The following ZNF7 variants were observed in gnomAD, a reference collection of about 807,000 sequenced individuals.
ZNF7 encodes zinc finger protein 7.
In ZNF7, 10 loss-of-function variants were observed where a neutral mutation model predicts 12.0. The observed-to-expected ratio is 0.83, with a 90% CI of 0.51 to 1.42. The LOEUF is 1.42. ZNF7 is among the 40% of genes most tolerant of loss of function. The pLI, the probability that ZNF7 is intolerant of heterozygous loss-of-function variation, is 0.00. For missense variants in ZNF7, 854 were observed against 837.2 expected, an observed-to-expected ratio of 1.02 and a Z score of -0.25; for synonymous variants, 334 against 295.0, an observed-to-expected ratio of 1.13 and a Z score of -1.35.
At chr8:144,832,975 A>C (rs1038108185) in intron 3 of ZNF7, among the ~76,000 whole-genome samples, 1 of 152,088 alleles carries the variant, frequency 6.6e-6, no homozygotes, top group Non-Finnish European at 1.5e-5. Context: ...AGGTGGGCGG[A>C]TCACCTGAGG....
chr8:144,841,409 A>C lies in ZNF7; in HGVS notation c.302A>C (p.Lys101Thr). 6.2e-7 allele frequency: 1 copy of C among 1,613,780 alleles called. No individual in the cohort carries two copies. Among genetic ancestry groups the C allele is most frequent in the Admixed American group, 1.7e-5 (1 of 60,016 alleles). ...EQACEDMDIL[K>T]SESYGTVVRI... ...GCCTGTGAGGACATGGACATCCTAA[A>C]ATCAGAATCCTATGGGACAGTGGTC... Residue 101 changes from lysine to threonine, a missense_variant, in exon 5 of 5, where the codon AAA becomes ACA. Transcript: ENST00000532777.
At chr8:144,840,400 A>T (rs529960492) in intron 4 of ZNF7, among the ~76,000 whole-genome samples, 1 of 152,312 alleles carries the variant, frequency 6.6e-6, no homozygotes, top group East Asian at 1.9e-4. Flanking sequence ...AAGCCCTGTA[A>T]CTGGGCTGTG....
At chr8:144,829,722 G>A in intron 3 of ZNF7, 118 bp downstream of exon 3, 7 of 1,346,626 alleles carry the variant, frequency 5.2e-6, no homozygotes, top group Non-Finnish European at 6.0e-6. Flanking sequence ...GGGCTCCACA[G>A]GGGGCTTGGA....
chr8:144,836,320 A>C (rs764024871), intron 3 of ZNF7: 4 of 152,272 alleles, frequency 2.6e-5, no homozygotes, highest in Non-Finnish European at 4.4e-5. Context: ...TGCTAGAGCA[A>C]GACCGTATCT....
chr8:144,837,691 A>G (rs1006479252), intron 4 of ZNF7, among the ~76,000 whole-genome samples, 184 bp downstream of exon 4: 2 of 152,202 alleles, frequency 1.3e-5, no homozygotes, highest in Non-Finnish European at 2.9e-5. Flanking sequence ...CTGCCTTGGG[A>G]GAGGCCAAAC....
At chr8:144,845,111 G>A (rs2727229), downstream of ZNF7, among the ~76,000 whole-genome samples, 62,549 of 151,954 alleles carry the variant, frequency 0.41, 14,057 homozygotes, top group African/African-American at 0.6. Flanking sequence ...TATGGTGCGG[G>A]ACAGCTTTCC....
intron 3 of ZNF7, 61 bp downstream of exon 3, chr8:144,829,665 C>A (rs1828208029): frequency 1.3e-6 from 2 of 1,549,658 alleles, no homozygotes; most frequent in East Asian, 4.5e-5. Context: ...CCCAGCCAGG[C>A]CTCCATCAGA....
chr8:144,838,396 C>T lies in ZNF7; in HGVS notation c.247+889C>T, dbSNP rs569274897. On this transcript the variant is annotated intron_variant, in intron 4 of 4. Coordinates refer to ENST00000532777, the MANE Select transcript of ZNF7 (RefSeq NM_003416.4). ...CCCTAACCAGGGCACCCACTGCCTC[C>T]GGCATCAGCTCCTGCTGGGCAGGCG... 328 of 469,104 alleles carry T rather than the reference C, an allele frequency of 7.0e-4. 1 individual carries two copies. Among genetic ancestry groups the T allele is most frequent in the Non-Finnish European group, 1.0e-3 (265 of 263,362 alleles). 29.1% of individuals were successfully genotyped at this position (469,104 alleles called of 1,614,324 possible).
chr8:144,842,252 G>C lies in ZNF7; in HGVS notation c.1145G>C (p.Arg382Thr). The C allele has an allele frequency of 1.2e-6, 2 of 1,614,084 alleles. No homozygotes were observed. The highest frequency in any genetic ancestry group is 1.7e-6 in the Non-Finnish European group (2 of 1,180,034). The stretch of plus-strand genomic sequence containing the variant: ...AGCTCCACCCTAGCCCAGCATCAAA[G>C]GATGCATACTGGGGAGAAAGCTCAA... ...SQSSTLAQHQRMHTGEKAQIL... is the reference protein window; with the variant it reads ...SQSSTLAQHQTMHTGEKAQIL... Residue 382 changes from arginine (R) to threonine (T), a missense_variant, in exon 5 of 5, where the codon AGG (arginine) becomes ACG (threonine). Arg to Thr is a moderately conservative substitution (Grantham distance 71, BLOSUM62 -1). Coordinates refer to ENST00000532777, the MANE Select transcript of ZNF7 (RefSeq NM_003416.4).
At chr8:144,846,000 T>C (rs1200675404), downstream of ZNF7, 1 of 1,536,514 alleles carries the variant, frequency 6.5e-7, no homozygotes, top group Admixed American at 2.0e-5. Flanking sequence ...CGCCCAACCA[T>C]GGGACAAGAG....
In ZNF7 at chr8:144,841,831, A is replaced by G; in HGVS notation, c.724A>G (p.Asn242Asp). The G allele has an allele frequency of 1.2e-6, 2 of 1,614,218 alleles. No homozygotes were observed. Among genetic ancestry groups the G allele is most frequent in the East Asian group, 2.2e-5 (1 of 44,888 alleles). Residue 242 changes from asparagine to aspartate, a missense_variant, in exon 5 of 5, where the codon AAT (asparagine) becomes GAT (aspartate). By Grantham distance (23) the Asn-to-Asp change is conservative (BLOSUM62 1). Coordinates refer to ENST00000532777, the MANE Select transcript of ZNF7 (RefSeq NM_003416.4). ...TGACTGCTTGCAGGGGAAACATACA[A>G]ATAACTGCCATGGAGAGAAGCCGTA... Reference protein sequence around the residue: ...LSDCLQGKHTNNCHGEKPYEC... With the variant: ...LSDCLQGKHTDNCHGEKPYEC...
At position 144,843,061 on chromosome 8, in the gene ZNF7, C is replaced by T; in HGVS notation, c.1954C>T (p.His652Tyr). The change falls in exon 5 of 5, where the codon CAC (histidine) becomes TAC (tyrosine). Residue 652 changes from histidine to tyrosine, a missense_variant. Transcript: ENST00000532777. ...TAGGTGGCGTTCACACCTAATTATA[C>T]ACCAGAGAATTCACACCGGGGAGAA... ...IFRWRSHLII[H>Y]QRIHTGEKPY... 6.2e-7 allele frequency: 1 copy of T among 1,614,134 alleles called. No individual in the cohort carries two copies. The highest frequency in any genetic ancestry group is 8.5e-7 in the Non-Finnish European group (1 of 1,180,032).
intron 3 of ZNF7, among the ~76,000 whole-genome samples, chr8:144,832,511 C>T (rs1828556459): frequency 6.6e-6 from 1 of 152,034 alleles, no homozygotes; most frequent in South Asian, 2.1e-4. Context: ...GGCAGATCAC[C>T]TGAGGTCAGA....
In ZNF7 at chr8:144,843,329, C is replaced by T. The variant is rs986734644; in HGVS notation, c.*161C>T. 76 of 856,550 alleles carry T rather than the reference C, an allele frequency of 8.9e-5. No homozygotes were observed. The highest frequency in any genetic ancestry group is 1.6e-4 in the Admixed American group (5 of 30,738). 53.1% of individuals were successfully genotyped at this position (856,550 alleles called of 1,614,324 possible). A position where few individuals can be genotyped will look rare whatever the true frequency, so the allele number is the denominator to read the frequency against. On this transcript the variant is annotated 3_prime_UTR_variant, in exon 5 of 5. Coordinates refer to ENST00000532777, the MANE Select transcript of ZNF7 (RefSeq NM_003416.4). ...TTCAGGCCGAGTGTGGTGGCTTATG[C>T]CTGTCATCCCAGCACTTTGGGAGGC...
intron 3 of ZNF7, chr8:144,836,539 T>G (rs928224395): frequency 6.6e-6 from 1 of 152,286 alleles, no homozygotes; most frequent in African/African-American, 2.4e-5. Flanking sequence ...TGTCTGTGAC[T>G]CAGTTTGTGG....
intron 4 of ZNF7, chr8:144,838,055 T>TG (rs1563834145): frequency 1.4e-6 from 1 of 693,682 alleles, no homozygotes; most frequent in Admixed American, 2.0e-5. Context: ...AGCAGGGCCG[T>TG]GCCCCCCTGT....
At chr8:144,837,558 A>T (rs1391662134) in intron 4 of ZNF7, 51 bp downstream of exon 4, 1 of 1,411,964 alleles carries the variant, frequency 7.1e-7, no homozygotes, top group South Asian at 1.2e-5. Flanking sequence ...GAGAAACTGC[A>T]GGAGGGGCCT....
At position 144,843,772 on chromosome 8, in the gene ZNF7, A is replaced by G. The variant is rs1830310424; in HGVS notation, c.*604A>G. 1 of 152,224 alleles carries G rather than the reference A, an allele frequency of 6.6e-6. No homozygotes were observed. Among genetic ancestry groups the G allele is most frequent in the Non-Finnish European group, 1.5e-5 (1 of 68,056 alleles). The allele number at this position is 152,224 out of a possible 1,614,324, so 9.4% of individuals were successfully genotyped here. A position where few individuals can be genotyped will look rare whatever the true frequency, so the allele number is the denominator to read the frequency against. Reference sequence around the variant, plus strand: ...CAAGGAGGGCTCTACGAGCGCTGCTAGACTGAGTAGGTTAAAATAATTTAC... The same window carrying G: ...CAAGGAGGGCTCTACGAGCGCTGCTGGACTGAGTAGGTTAAAATAATTTAC... On this transcript the variant is annotated 3_prime_UTR_variant, in exon 5 of 5. Coordinates refer to ENST00000532777, the MANE Select transcript of ZNF7 (RefSeq NM_003416.4).
intron 4 of ZNF7, chr8:144,838,293 G>C: frequency 5.1e-6 from 3 of 584,496 alleles, no homozygotes; most frequent in Non-Finnish European, 3.1e-6. Context: ...TAATTAATCT[G>C]CAACGACTGT....
Sources: allele counts gnomAD v4.1 joint callset (sites outside exome capture counted in the v4.1 genomes callset), GRCh38; gene constraint gnomAD v4.1.1; transcripts MANE v1.5; gene names NCBI Gene and HGNC (gene_info 2026-07-23, HGNC 2026-07-21).